The following DLGAP3 variants were observed in gnomAD, a reference collection of about 807,000 sequenced individuals.
DLGAP3 encodes the protein DLG associated protein 3, also known as disks large-associated protein 3.
In DLGAP3, 17 loss-of-function variants were observed where a neutral mutation model predicts 81.2. That is an observed-to-expected ratio of 0.21 (90% CI 0.14 to 0.31). The LOEUF is 0.31. Ranked by LOEUF, DLGAP3 falls within the 10% of genes least tolerant of loss-of-function variation. The pLI is 1.00. For synonymous variants in DLGAP3, 577 were observed against 587.4 expected, an observed-to-expected ratio of 0.98 and a Z score of 0.26; for missense variants, 1,124 against 1,388.0, an observed-to-expected ratio of 0.81 and a Z score of 3.02.
intron 1 of DLGAP3, among the ~76,000 whole-genome samples, chr1:34,913,883 T>G (rs1223517114): frequency 6.6e-6 from 1 of 152,156 alleles, no homozygotes; most frequent in East Asian, 1.9e-4. Flanking sequence ...TCATGATGTT[T>G]GTCTAGCCGC....
chr1:34,879,595 A>G (rs961634993), intron 8 of DLGAP3, among the ~76,000 whole-genome samples: 3 of 152,210 alleles, frequency 2.0e-5, no homozygotes, highest in Non-Finnish European at 4.4e-5. Context: ...AGCAATAAAT[A>G]TAATAGGTAC....
chr1:34,885,774 C>T lies in DLGAP3; in HGVS notation c.1618G>A (p.Ala540Thr). ...CTTCCCGGCGGGATGGGGGGCGGGG[C>T]CTTTCTGAAGTTGAAGGCTGTGGCC... is the stretch of plus-strand genomic sequence containing the variant. ...RPGSSFNFRK[A>T]PPPIPPGSQA... Residue 540 changes from alanine to threonine, a missense_variant, in exon 7 of 12, where the codon GCC becomes ACC. Ala to Thr is a moderately conservative substitution (Grantham distance 58). Around this residue, in one of 9 missense-constraint regions of DLGAP3, gnomAD observed 379 missense variants for 455.7 expected, o/e 0.83. Coordinates refer to ENST00000373347, the MANE Select transcript of DLGAP3 (RefSeq NM_001080418.3). 7.1e-7 allele frequency: 1 copy of T among 1,402,760 alleles called. No homozygotes were observed. The highest frequency in any genetic ancestry group is 2.7e-5 in the East Asian group (1 of 36,588). The allele number at this position is 1,402,760 out of a possible 1,614,324, so 86.9% of individuals were successfully genotyped here. A position where few individuals can be genotyped will look rare whatever the true frequency, so the allele number is the denominator to read the frequency against.
intron 8 of DLGAP3, among the ~76,000 whole-genome samples, chr1:34,874,554 G>T (rs946895461): frequency 6.6e-6 from 1 of 152,182 alleles, no homozygotes. Context: ...TTTAAATGTG[G>T]CTGCAGAAGC....
intron 5 of DLGAP3, 135 bp downstream of exon 5, chr1:34,899,534 C>A: frequency 1.2e-6 from 1 of 822,670 alleles, no homozygotes; most frequent in Admixed American, 1.7e-5. Context: ...AGTCCTAAGG[C>A]AGGTTTCCCA....
chr1:34,903,996 A>C (rs1639502713), intron 3 of DLGAP3, among the ~76,000 whole-genome samples: 1 of 152,182 alleles, frequency 6.6e-6, no homozygotes, highest in African/African-American at 2.4e-5. Flanking sequence ...CCAACCTCCG[A>C]AGACAGATAT....
chr1:34,879,293 C>T (rs1356715044), intron 8 of DLGAP3, among the ~76,000 whole-genome samples: 1 of 152,068 alleles, frequency 6.6e-6, no homozygotes, highest in African/African-American at 2.4e-5. Flanking sequence ...CTGAGGGTAA[C>T]GGGAGACAGA....
chr1:34,905,405 T>C lies in DLGAP3; in HGVS notation c.-22A>G. ...TCATGGCCTCAGCAAAGGCTCTTCATAGTCTTGGGGGCCAGGCCCCAGGAA... is the reference window on the plus strand; with the variant it reads ...TCATGGCCTCAGCAAAGGCTCTTCACAGTCTTGGGGGCCAGGCCCCAGGAA... On this transcript the variant is annotated 5_prime_UTR_variant, in exon 3 of 12. It removes an upstream start codon present in the reference 5' UTR. Transcript: ENST00000373347. 3 of 1,545,758 alleles carry C rather than the reference T, an allele frequency of 1.9e-6. No individual in the cohort carries two copies. Among genetic ancestry groups the C allele is most frequent in the South Asian group, 1.2e-5 (1 of 83,748 alleles).
chr1:34,903,592 G>T (rs558241782), intron 3 of DLGAP3, among the ~76,000 whole-genome samples: 18 of 152,164 alleles, frequency 1.2e-4, no homozygotes, highest in Non-Finnish European at 2.6e-4. Flanking sequence ...CCATAAATGT[G>T]GTAAGACAAG....
intron 5 of DLGAP3, among the ~76,000 whole-genome samples, chr1:34,889,256 AC>A (rs1162511938): frequency 6.6e-6 from 1 of 151,816 alleles, no homozygotes; most frequent in East Asian, 1.9e-4. Flanking sequence ...AAGGTGAACA[AC>A]TCCCTGGGGT....
intron 5 of DLGAP3, among the ~76,000 whole-genome samples, chr1:34,886,513 TC>T (rs1273901751): frequency 1.3e-5 from 2 of 149,076 alleles, no homozygotes; most frequent in Non-Finnish European, 3.0e-5. Flanking sequence ...CCTCTAAATA[TC>T]CCACCCCCAC....
rs1553121955 is a variant in DLGAP3 at position 34,881,504 on chromosome 1, T to TG, written c.2000+3473dup. Among the ~76,000 whole-genome samples, 55 of 152,292 alleles carry TG rather than the reference T, an allele frequency of 3.6e-4. 2 individuals are homozygous for TG. The highest frequency in any genetic ancestry group is 3.6e-3 in the Admixed American group (55 of 15,292). ...TCACTGCTCAGAATGCAGACATGAC[T>TG]GGGGGAGCTTGAACTTAAGGTCCCT... On this transcript the variant is annotated intron_variant, in intron 8 of 11. Transcript: ENST00000373347.
At position 34,904,494 on chromosome 1, in the gene DLGAP3, C is replaced by T. The variant is rs767125526; in HGVS notation, c.890G>A (p.Arg297Gln). Reference protein sequence around the residue: ...FCLEGPDGSYRDLSFKGRSGG... With the variant: ...FCLEGPDGSYQDLSFKGRSGG... The stretch of plus-strand genomic sequence containing the variant: ...CGAGCGCCCCTTGAAGCTCAAGTCC[C>T]GGTAGGACCCATCTGGACCCTCCAG... The change falls in exon 3 of 12, where the codon CGG becomes CAG. Residue 297 changes from arginine (R) to glutamine (Q), a missense_variant. Coordinates refer to ENST00000373347, the MANE Select transcript of DLGAP3 (RefSeq NM_001080418.3). The surrounding 1 kb of genome is among the most constrained non-coding windows in gnomAD (Gnocchi z 8.1). 7.4e-6 allele frequency: 12 copies of T among 1,614,216 alleles called. No individual in the cohort carries two copies. Among genetic ancestry groups the T allele is most frequent in the East Asian group, 2.2e-5 (1 of 44,888 alleles).
intron 5 of DLGAP3, 120 bp from the exon 6 acceptor site, chr1:34,886,405 C>T (rs1319023815): frequency 2.1e-6 from 2 of 940,430 alleles, no homozygotes; most frequent in East Asian, 2.7e-5. Flanking sequence ...GCGACTCTTC[C>T]GCATTTGAAC....
chr1:34,882,264 G>T (rs1286657103), intron 8 of DLGAP3, among the ~76,000 whole-genome samples: 1 of 152,162 alleles, frequency 6.6e-6, no homozygotes, highest in Non-Finnish European at 1.5e-5. Context: ...ATCACCTGAG[G>T]TCAGGAGCTT....
At position 34,873,390 on chromosome 1, in the gene DLGAP3, T is replaced by C. The variant is rs1416095382; in HGVS notation, c.2001-4301A>G. On this transcript the variant is annotated intron_variant, in intron 8 of 11. Transcript: ENST00000373347. This position sits in a 1 kb window ranked among gnomAD's most constrained non-coding sequence, Gnocchi z 4.2. ...GGGTGGGGGCAGCGGAACAGAGCGG[T>C]TAGGCCCGTGTGCTCTGGAGCCTTG... is the stretch of plus-strand genomic sequence containing the variant. 6.6e-6 allele frequency among the ~76,000 whole-genome samples: 1 copy of C among 152,170 alleles called. No individual in the cohort carries two copies. Among genetic ancestry groups the C allele is most frequent in the Non-Finnish European group, 1.5e-5 (1 of 68,028 alleles).
At chr1:34,883,218 CTT>C (rs1461555383) in intron 8 of DLGAP3, among the ~76,000 whole-genome samples, 1 of 152,210 alleles carries the variant, frequency 6.6e-6, no homozygotes, top group Non-Finnish European at 1.5e-5. Flanking sequence ...GAAGTCATGT[CTT>C]TGATGTTTCC....
intron 1 of DLGAP3, among the ~76,000 whole-genome samples, chr1:34,913,023 A>T (rs1245883392): frequency 6.6e-6 from 1 of 151,862 alleles, no homozygotes; most frequent in Non-Finnish European, 1.5e-5. Context: ...CCTCAACCCC[A>T]CTAGCCAGCC....
chr1:34,871,673 C>T (rs1183615341), intron 8 of DLGAP3, among the ~76,000 whole-genome samples: 1 of 152,212 alleles, frequency 6.6e-6, no homozygotes, highest in Non-Finnish European at 1.5e-5. Context: ...TGATGATCTG[C>T]CACACCTGCG....
In DLGAP3 at chr1:34,915,883, C is replaced by T. The variant is rs569305641; in HGVS notation, c.-134-8446G>A. 2.6e-5 allele frequency among the ~76,000 whole-genome samples: 4 copies of T among 152,322 alleles called. No homozygotes were observed. In the South Asian group the frequency reaches 6.2e-4, roughly 24 times the overall value. On this transcript the variant is annotated intron_variant, in intron 1 of 11. Coordinates refer to ENST00000373347, the MANE Select transcript of DLGAP3 (RefSeq NM_001080418.3). ...CAACCTTAAACCCTCTGCTGCTGCA[C>T]GGGTGTACTCTCTTCCAAGAGGCCT...
Sources: allele counts gnomAD v4.1 joint callset (sites outside exome capture counted in the v4.1 genomes callset), GRCh38; gene constraint gnomAD v4.1.1; regional missense constraint gnomAD v4.1.1; non-coding constraint Gnocchi (gnomAD v3.1); transcripts MANE v1.5; gene names NCBI Gene and HGNC (gene_info 2026-07-23, HGNC 2026-07-21).